Variants in TNXB observed in about 807,000 individuals in gnomAD.
The protein encoded by TNXB is tenascin XB.
Under a neutral mutation model 340.5 loss-of-function variants are expected in TNXB, and 183 were observed. That is an observed-to-expected ratio of 0.54 (90% CI 0.48 to 0.61). The LOEUF is 0.61. Among genes scored for constraint, TNXB ranks in the 20% least tolerant of loss-of-function variants. The pLI is 0.00. For missense variants in TNXB, 4,613 were observed against 5,446.4 expected, an observed-to-expected ratio of 0.85 and a Z score of 4.82; for synonymous variants, 2,121 against 2,314.5, an observed-to-expected ratio of 0.92 and a Z score of 2.40.
chr6:32,098,329 T>G, intron 1 of TNXB, 123 bp from the exon 2 acceptor site: 2 of 786,758 alleles, frequency 2.5e-6, no homozygotes, highest in Non-Finnish European at 3.7e-6. Flanking sequence ...CACATGCATG[T>G]AAAAATTCAC....
chr6:32,099,966 A>C (rs1038170117), intron 1 of TNXB, among the ~76,000 whole-genome samples: 6 of 151,490 alleles, frequency 4.0e-5, no homozygotes, highest in African/African-American at 7.3e-5. Flanking sequence ...AAAAAAAAAA[A>C]AAAACAGTCA....
rs749020268 is a variant in TNXB, at chr6:32,084,013, T to C, written c.3445+400A>G. Among the ~76,000 whole-genome samples the C allele has an allele frequency of 1.3e-5, 2 of 152,160 alleles. No individual in the cohort carries two copies. The highest frequency in any genetic ancestry group is 2.4e-5 in the African/African-American group (1 of 41,440). Reference sequence around the variant, plus strand: ...GCTAGTCTCAGCAGCCACCCGGTTATTTGCAAGATAAATATCTAGTCTCAT... The same window carrying C: ...GCTAGTCTCAGCAGCCACCCGGTTACTTGCAAGATAAATATCTAGTCTCAT... On this transcript the variant is annotated intron_variant, in intron 8 of 43. Transcript: ENST00000644971. The surrounding 1 kb of genome is among the most constrained non-coding windows in gnomAD (Gnocchi z 5.5).
At chr6:32,054,548 C>T (rs1777516070) in intron 24 of TNXB, among the ~76,000 whole-genome samples, 1 of 152,234 alleles carries the variant, frequency 6.6e-6, no homozygotes, top group Non-Finnish European at 1.5e-5. Flanking sequence ...CACTTCCTCT[C>T]CAAAGCTGTC....
At chr6:32,101,490 C>T (rs535759076) in intron 1 of TNXB, among the ~76,000 whole-genome samples, 6 of 152,034 alleles carry the variant, frequency 3.9e-5, no homozygotes, top group South Asian at 2.1e-4. Context: ...GAGGTTTCAC[C>T]GTGTTAGCCA....
chr6:32,043,974 T>C (rs1218935868), intron 34 of TNXB, 33 bp downstream of exon 34: 2 of 1,606,260 alleles, frequency 1.2e-6, no homozygotes, highest in South Asian at 2.2e-5. Context: ...GGAGAGGAAA[T>C]GCGAGGCGAT....
chr6:32,073,191 T>C lies in TNXB; in HGVS notation c.4681+456A>G, dbSNP rs564649976. Among the ~76,000 whole-genome samples, 1 of 151,834 alleles carries C rather than the reference T, an allele frequency of 6.6e-6. No homozygotes were observed. Among genetic ancestry groups the C allele is most frequent in the East Asian group, 1.9e-4 (1 of 5,134 alleles). On this transcript the variant is annotated intron_variant, in intron 12 of 43. Transcript: ENST00000644971. This position sits in a 1 kb window ranked among gnomAD's most constrained non-coding sequence, Gnocchi z 4.6. ...AGATGAAAACTCTCCAGGGCTGGGA[T>C]GGAATGCAGTGCAGGCAGGTGGCAG...
Position 32,050,164 on chromosome 6 carries a change from C to G in TNXB, c.9273G>C (p.Leu3091=). 1.9e-6 allele frequency: 3 copies of G among 1,613,842 alleles called. No homozygotes were observed. The highest frequency in any genetic ancestry group is 2.5e-6 in the Non-Finnish European group (3 of 1,179,868). ...MVPEGQFDHF[L]VQYRNGDGQP... is the part of the protein sequence containing the mutation. ...GCCCATCCCCATTCCTGTACTGGACCAGGAAGTGGTCAAACTGGCCCTCGG... is the reference window on the plus strand; with the variant it reads ...GCCCATCCCCATTCCTGTACTGGACGAGGAAGTGGTCAAACTGGCCCTCGG... Residue 3091 remains leucine (L), a synonymous_variant, in exon 27 of 44, where the codon CTG becomes CTC. Coordinates refer to ENST00000644971, the MANE Select transcript of TNXB (RefSeq NM_001365276.2).
rs533102292 is a variant in TNXB at position 32,085,995 on chromosome 6, A to G, written c.2903T>C (p.Val968Ala). 1 of 1,606,952 alleles carries G rather than the reference A, an allele frequency of 6.2e-7. No individual in the cohort carries two copies. Among genetic ancestry groups the G allele is most frequent in the Admixed American group, 1.7e-5 (1 of 59,996 alleles). The change falls in exon 7 of 44, where the codon GTG (valine) becomes GCG (alanine). Residue 968 changes from valine (V) to alanine (A), a missense_variant. Around this residue, in one of 7 missense-constraint regions of TNXB, gnomAD observed 4,327 missense variants for 4,859.4 expected, o/e 0.89. Coordinates refer to ENST00000644971, the MANE Select transcript of TNXB (RefSeq NM_001365276.2). This position sits in a 1 kb window ranked among gnomAD's most constrained non-coding sequence, Gnocchi z 6.4. Reference protein sequence around the residue: ...QRPQELGELRVLGRDETGRLR... With the variant: ...QRPQELGELRALGRDETGRLR... ...GCGCCCTGTCTCATCTCTGCCCAGC[A>G]CCCTCAACTCTCCCAGCTCCTGGGG... is the stretch of plus-strand genomic sequence containing the variant.
chr6:32,048,081 C>T, intron 29 of TNXB, 69 bp from the exon 30 acceptor site: 7 of 1,537,538 alleles, frequency 4.6e-6, no homozygotes, highest in Non-Finnish European at 6.2e-6. Flanking sequence ...TCCTGGGCTG[C>T]TATGGCTCTG....
Position 32,096,892 on chromosome 6 carries a change from A to G in TNXB, c.961T>C (p.Cys321Arg), listed in dbSNP as rs370616787. Residue 321 changes from cysteine to arginine, a missense_variant, in exon 3 of 44, where the codon TGC becomes CGC. Physicochemically the swap from Cys to Arg is radical, Grantham distance 180 (BLOSUM62 -3). Around this residue, in one of 7 missense-constraint regions of TNXB, gnomAD observed 4,327 missense variants for 4,859.4 expected, o/e 0.89. Coordinates refer to ENST00000644971, the MANE Select transcript of TNXB (RefSeq NM_001365276.2). The part of the protein sequence containing the change: ...CPRGCSQRGR[C>R]KDGRCVCDPG... ...TCACACACGCAGCGCCCGTCCTTGC[A>G]GCGTCCCCGCTGGCTGCAGCCCCGA... 1.4e-5 allele frequency: 22 copies of G among 1,609,288 alleles called. No homozygotes were observed. The African/African-American group carries it at 2.7e-4, about 20-fold the overall frequency.
At chr6:32,066,693 G>A (rs1778357678) in intron 18 of TNXB, among the ~76,000 whole-genome samples, 1 of 152,190 alleles carries the variant, frequency 6.6e-6, no homozygotes, top group African/African-American at 2.4e-5. Flanking sequence ...GCACAAGTAG[G>A]TAAAGATACT....
chr6:32,087,665 A>G lies in TNXB; in HGVS notation c.2779+1120T>C. ...GGGGAGCCGGCTGGGGCGGCGGCCA[A>G]CAGACGCCGCTGCAAGTATTCATGG... On this transcript the variant is annotated intron_variant, in intron 6 of 43. Transcript: ENST00000644971. The surrounding 1 kb of genome is among the most constrained non-coding windows in gnomAD (Gnocchi z 9.0). The G allele has an allele frequency of 2.3e-6, 1 of 434,912 alleles. No homozygotes were observed. Among genetic ancestry groups the G allele is most frequent in the Non-Finnish European group, 4.6e-6 (1 of 215,138 alleles). The allele number at this position is 434,912 out of a possible 1,614,324, so 26.9% of individuals were successfully genotyped here. A position where few individuals can be genotyped will look rare whatever the true frequency, so the allele number is the denominator to read the frequency against.
chr6:32,077,412 T>A (rs1727490327), intron 11 of TNXB, among the ~76,000 whole-genome samples: 1 of 152,252 alleles, frequency 6.6e-6, no homozygotes, highest in South Asian at 2.1e-4. Flanking sequence ...AGAAACCATG[T>A]TCTGGAAAAC....
rs987430972 is a variant in TNXB at position 32,079,334 on chromosome 6, G to T, written c.4074C>A (p.Ser1358Arg). The stretch of plus-strand genomic sequence containing the variant: ...GGGCCTCCGTGCCCAGTTCTGTGGG[G>T]CTGGGGGTCTCGTCCACATCCTCCT... ...APQEDVDETPSPTELGTEAPE... is the reference protein window; with the variant it reads ...APQEDVDETPRPTELGTEAPE... The change falls in exon 11 of 44, where the codon AGC becomes AGA. Residue 1358 changes from serine to arginine, a missense_variant. Transcript: ENST00000644971. This position sits in a 1 kb window ranked among gnomAD's most constrained non-coding sequence, Gnocchi z 7.1. The T allele has an allele frequency of 6.2e-7, 1 of 1,610,674 alleles. No individual in the cohort carries two copies. The highest frequency in any genetic ancestry group is 1.3e-5 in the African/African-American group (1 of 74,840).
At position 32,043,738 on chromosome 6, in the gene TNXB, G is replaced by A. The variant is rs1484319750; in HGVS notation, c.11530+11C>T. 1 of 1,613,536 alleles carries A rather than the reference G, an allele frequency of 6.2e-7. No homozygotes were observed. The highest frequency in any genetic ancestry group is 8.5e-7 in the Non-Finnish European group (1 of 1,180,032). ...CTCCCACCTCTTGCCCCGGGTCCCA[G>A]TCCATCTCACCCGTGGTGAGGAAGC... On this transcript the variant is annotated intron_variant, in intron 35 of 43. Transcript: ENST00000644971.
intron 1 of TNXB, among the ~76,000 whole-genome samples, chr6:32,103,727 C>CTTTTT (rs28986186): frequency 8.1e-6 from 1 of 123,394 alleles, no homozygotes; most frequent in East Asian, 2.3e-4. Flanking sequence ...TTCACCGCAT[C>CTTTTT]TTTTTTTTTT....
intron 11 of TNXB, among the ~76,000 whole-genome samples, chr6:32,076,586 T>C (rs1779093360): frequency 6.6e-6 from 1 of 152,206 alleles, no homozygotes; most frequent in South Asian, 2.1e-4. Flanking sequence ...ATGCCAGACA[T>C]GTTACATCAC....
At position 32,070,472 on chromosome 6, in the gene TNXB, C is replaced by T; in HGVS notation, c.4991-58G>A. 3.4e-6 allele frequency: 5 copies of T among 1,476,090 alleles called. No individual in the cohort carries two copies. Among genetic ancestry groups the T allele is most frequent in the Non-Finnish European group, 4.5e-6 (5 of 1,109,482 alleles). 91.4% of individuals were successfully genotyped at this position (1,476,090 alleles called of 1,614,324 possible). A position where few individuals can be genotyped will look rare whatever the true frequency, so the allele number is the denominator to read the frequency against. On this transcript the variant is annotated intron_variant, in intron 13 of 43. Coordinates refer to ENST00000644971, the MANE Select transcript of TNXB (RefSeq NM_001365276.2). This position sits in a 1 kb window ranked among gnomAD's most constrained non-coding sequence, Gnocchi z 6.0. The stretch of plus-strand genomic sequence containing the variant: ...CCAAAACGACTCCTTGACTGCCTCC[C>T]TCTGGGGCTGGAAAAACCCAGAACT...
chr6:32,062,388 C>T lies in TNXB; in HGVS notation c.6937G>A (p.Asp2313Asn), dbSNP rs1180068994. 4 of 1,613,204 alleles carry T rather than the reference C, an allele frequency of 2.5e-6. No individual in the cohort carries two copies. Among genetic ancestry groups the T allele is most frequent in the Non-Finnish European group, 3.4e-6 (4 of 1,179,894 alleles). The stretch of plus-strand genomic sequence containing the variant: ...AGGCTGAGGGAGTCAGGGGTCGCAT[C>T]TGTCACGGTCAGCTCCTCCAGGCGA... ...KPRLEELTVT[D>N]ATPDSLSLSW... Residue 2313 changes from aspartate to asparagine, a missense_variant, in exon 20 of 44, where the codon GAT becomes AAT. Transcript: ENST00000644971. The surrounding 1 kb of genome is among the most constrained non-coding windows in gnomAD (Gnocchi z 4.3).
Sources: allele counts gnomAD v4.1 joint callset (sites outside exome capture counted in the v4.1 genomes callset), GRCh38; gene constraint gnomAD v4.1.1; regional missense constraint gnomAD v4.1.1; non-coding constraint Gnocchi (gnomAD v3.1); transcripts MANE v1.5; gene names NCBI Gene and HGNC (gene_info 2026-07-23, HGNC 2026-07-21).